FGD4: variants seen among roughly 807,000 people sequenced by gnomAD.
FGD4 encodes FYVE, RhoGEF and PH domain containing 4.
In FGD4, 42 loss-of-function variants were observed where a neutral mutation model predicts 102.0. That is an observed-to-expected ratio of 0.41 (90% CI 0.32 to 0.53). FGD4 has a LOEUF of 0.53. Among genes scored for constraint, FGD4 ranks in the 20% least tolerant of loss-of-function variants. FGD4 has a pLI of 0.21. For missense variants in FGD4, 902 were observed against 1,078.2 expected, an observed-to-expected ratio of 0.84 and a Z score of 2.29; for synonymous variants, 380 against 375.7, an observed-to-expected ratio of 1.01 and a Z score of -0.13.
At chr12:32,606,507 A>G (rs1216639590) in intron 7 of FGD4, among the ~76,000 whole-genome samples, 1 of 142,716 alleles carries the variant, frequency 7.0e-6, no homozygotes, top group Non-Finnish European at 1.5e-5. Flanking sequence ...CCTTTCATTT[A>G]ACATACTTCA....
intron 1 of FGD4, among the ~76,000 whole-genome samples, chr12:32,457,970 C>T (rs957470654): frequency 6.6e-6 from 1 of 151,292 alleles, no homozygotes; most frequent in Admixed American, 6.6e-5. Flanking sequence ...AATTAGGTAA[C>T]ATAATTTCCT....
intron 1 of FGD4, among the ~76,000 whole-genome samples, chr12:32,536,083 G>GTT (rs577504306): frequency 2.7e-5 from 4 of 145,644 alleles, no homozygotes; most frequent in Admixed American, 6.9e-5. Flanking sequence ...TTTTATAACA[G>GTT]TTTTTTTTTT....
chr12:32,469,163 C>A (rs10771951), intron 1 of FGD4, among the ~76,000 whole-genome samples: 1 of 151,860 alleles, frequency 6.6e-6, no homozygotes, highest in Admixed American at 6.6e-5. Context: ...AAAATACATA[C>A]GCAAACAGTA....
At chr12:32,566,621 G>C (rs552167947) in intron 2 of FGD4, among the ~76,000 whole-genome samples, 1 of 152,278 alleles carries the variant, frequency 6.6e-6, no homozygotes, top group South Asian at 2.1e-4. Context: ...CTACATCTTA[G>C]TATTGTCAGA....
chr12:32,582,403 AAG>A lies in FGD4; in HGVS notation c.952_953del (p.Arg318GlyfsTer17). 1 of 1,614,040 alleles carries A rather than the reference AAG, an allele frequency of 6.2e-7. No homozygotes were observed. The highest frequency in any genetic ancestry group is 8.5e-7 in the Non-Finnish European group (1 of 1,180,040). ...GGGGCAGAAACAGAAACCAAGGTAC[AAG>A]AGAGGGAAAATGGGGAAAGCCCTCT... On this transcript the variant is annotated frameshift_variant, in exon 4 of 17. Transcript: ENST00000534526. LOFTEE classifies it high-confidence loss of function.
intron 2 of FGD4, among the ~76,000 whole-genome samples, chr12:32,572,894 G>C (rs61926171): frequency 0.011 from 1,697 of 152,232 alleles, 19 homozygotes; most frequent in South Asian, 0.056. Context: ...CAACAGATTA[G>C]CAGAACAAAA....
chr12:32,483,867 C>T (rs1943824322), intron 1 of FGD4, among the ~76,000 whole-genome samples: 1 of 152,098 alleles, frequency 6.6e-6, no homozygotes, highest in African/African-American at 2.4e-5. Context: ...ATGGACACCA[C>T]CACAGTATAT....
intron 3 of FGD4, among the ~76,000 whole-genome samples, chr12:32,579,039 G>GTTTTTCT (rs1946367601): frequency 1.5e-5 from 1 of 66,128 alleles, no homozygotes; most frequent in African/African-American, 6.5e-5. Context: ...AACATTAGTG[G>GTTTTTCT]TTTTTTTTTT....
In FGD4 at chr12:32,460,497, G is replaced by A. The variant is rs1257311714; in HGVS notation, c.166+60538G>A. ...TCCAGCCTGGGCGACAGTGAGACCC[G>A]GTCTCAAAAAAAAAAAAAGAAGAAG... On this transcript the variant is annotated intron_variant, in intron 1 of 16. Coordinates refer to ENST00000534526, the MANE Select transcript of FGD4 (RefSeq NM_001370298.3). 5.2e-5 allele frequency among the ~76,000 whole-genome samples: 7 copies of A among 133,604 alleles called. No individual in the cohort carries two copies. In the East Asian group the frequency reaches 1.0e-3, roughly 19 times the overall value. The allele number at this position is 133,604 out of a possible 152,430, so 87.6% of individuals were successfully genotyped here. A position where few individuals can be genotyped will look rare whatever the true frequency, so the allele number is the denominator to read the frequency against.
intron 1 of FGD4, among the ~76,000 whole-genome samples, chr12:32,547,891 A>T (rs765900968): frequency 2.6e-5 from 4 of 152,100 alleles, no homozygotes; most frequent in Non-Finnish European, 5.9e-5. Context: ...TTTTTAGTAG[A>T]GACGGGGTTT....
chr12:32,403,794 A>C (rs939445490), intron 1 of FGD4, among the ~76,000 whole-genome samples: 3 of 151,820 alleles, frequency 2.0e-5, no homozygotes, highest in Non-Finnish European at 4.4e-5. Context: ...ACGGGGTTTC[A>C]CCTTGTTGGC....
In FGD4 at chr12:32,555,276, G is replaced by A. The variant is rs542273469; in HGVS notation, c.167-8861G>A. Among the ~76,000 whole-genome samples, 3 of 152,250 alleles carry A rather than the reference G, an allele frequency of 2.0e-5. No homozygotes were observed. The South Asian group carries it at 6.2e-4, about 32-fold the overall frequency. ...AGGTTTTAGCCTGTGCATAAATGGA[G>A]TTATTACTATTGATTCAGAGAAAAC... On this transcript the variant is annotated intron_variant, in intron 1 of 16. Transcript: ENST00000534526.
chr12:32,479,849 C>T (rs1308895639), intron 1 of FGD4, among the ~76,000 whole-genome samples: 17 of 133,944 alleles, frequency 1.3e-4, no homozygotes, highest in African/African-American at 3.9e-4. Context: ...AGTTCAGTGG[C>T]GCAATCTCGG....
intron 13 of FGD4, 32 bp downstream of exon 13, chr12:32,625,100 CTT>C (rs1411034002): frequency 1.9e-6 from 3 of 1,547,912 alleles, no homozygotes; most frequent in South Asian, 2.2e-5. Context: ...ACTTCAACCT[CTT>C]TCATATCTTT....
At chr12:32,422,045 G>A (rs993689696) in intron 1 of FGD4, among the ~76,000 whole-genome samples, 1 of 151,144 alleles carries the variant, frequency 6.6e-6, no homozygotes, top group African/African-American at 2.4e-5. Flanking sequence ...TCGGGAGGCT[G>A]AGGCAGGAGA....
rs187562428 is a variant in FGD4 at position 32,644,547 on chromosome 12, C to T, written c.*4014C>T. The T allele has an allele frequency of 6.6e-5, 10 of 151,972 alleles. No individual in the cohort carries two copies. Among genetic ancestry groups the T allele is most frequent in the African/African-American group, 2.4e-4 (10 of 41,354 alleles). The allele number at this position is 151,972 out of a possible 1,614,324, so 9.4% of individuals were successfully genotyped here. On this transcript the variant is annotated 3_prime_UTR_variant, in exon 17 of 17. Coordinates refer to ENST00000534526, the MANE Select transcript of FGD4 (RefSeq NM_001370298.3). ...TATGTATAATTCATCCTTATATATA[C>T]CCCTTAATCACGTAGTCATGAGAAG...
intron 1 of FGD4, among the ~76,000 whole-genome samples, chr12:32,509,908 A>G (rs1427155254): frequency 6.6e-6 from 1 of 152,058 alleles, no homozygotes; most frequent in Admixed American, 6.6e-5. Context: ...CTCTAATCTC[A>G]GATTATACCC....
chr12:32,493,312 G>A (rs1457678416), intron 1 of FGD4, among the ~76,000 whole-genome samples: 1 of 152,202 alleles, frequency 6.6e-6, no homozygotes, highest in Non-Finnish European at 1.5e-5. Context: ...TCTTCAGAAA[G>A]CATGGAGAAA....
chr12:32,407,121 A>AT (rs35497027), intron 1 of FGD4, among the ~76,000 whole-genome samples: 1,163 of 90,902 alleles, frequency 0.013, 17 homozygotes, highest in African/African-American at 0.025. Flanking sequence ...AAGAAGCTGT[A>AT]TTTTTTTTTT....
Sources: gnomAD v4.1 joint callset for allele counts (sites outside exome capture counted in the v4.1 genomes callset) on GRCh38, gnomAD v4.1.1 for gene constraint, MANE v1.5 for transcripts, NCBI Gene and HGNC (gene_info 2026-07-23, HGNC 2026-07-21) for gene names.